Variants in ACAD11 observed in about 807,000 individuals in gnomAD.
ACAD11 encodes the protein acyl-CoA dehydrogenase family member 11.
Under a neutral mutation model 102.2 loss-of-function variants are expected in ACAD11, and 83 were observed. The observed-to-expected ratio is 0.81, with a 90% CI of 0.68 to 0.97. The LOEUF (loss-of-function observed/expected upper bound fraction) is 0.97, where lower values mean the gene tolerates loss of function less well. Among genes scored for constraint, ACAD11 ranks in the 50% least tolerant of loss-of-function variants. The pLI is 0.00. For missense variants in ACAD11, 901 were observed against 951.7 expected (o/e 0.95, Z 0.70); for synonymous variants, 324 against 319.8 (o/e 1.01, Z -0.14).
intron 18 of ACAD11, among the ~76,000 whole-genome samples, chr3:132,560,227 G>A (rs940802018): frequency 6.6e-6 from 1 of 152,020 alleles, no homozygotes; most frequent in African/African-American, 2.4e-5. Context: ...TCACCTTAGG[G>A]ATCATAAAAA....
Position 132,642,810 on chromosome 3 carries a change from G to T in ACAD11, c.250-8C>A, listed in dbSNP as rs1227290930. The T allele has an allele frequency of 1.3e-6, 2 of 1,598,626 alleles. No homozygotes were observed. The highest frequency in any genetic ancestry group is 1.1e-5 in the South Asian group (1 of 87,574). On this transcript the variant is annotated splice_region_variant and splice_polypyrimidine_tract_variant and intron_variant, in intron 2 of 19. Coordinates refer to ENST00000264990, the MANE Select transcript of ACAD11 (RefSeq NM_032169.5). ...TTTAAATTCTCTATCAATCTAAATA[G>T]GATGATGAATCATTAAAAATCAGAG...
intron 11 of ACAD11, among the ~76,000 whole-genome samples, chr3:132,617,533 C>G (rs768384791): frequency 2.6e-5 from 4 of 152,124 alleles, no homozygotes; most frequent in Non-Finnish European, 5.9e-5. Context: ...AATCTTGCTA[C>G]TTATCATCCA....
intron 17 of ACAD11, among the ~76,000 whole-genome samples, chr3:132,562,734 A>G (rs144623757): frequency 1.1e-3 from 168 of 152,264 alleles, no homozygotes; most frequent in Non-Finnish European, 1.9e-3. Context: ...CTTTGGTGAT[A>G]TGTCTGTTAA....
chr3:132,623,076 GGA>G, intron 9 of ACAD11, among the ~76,000 whole-genome samples: 1 of 152,034 alleles, frequency 6.6e-6, no homozygotes, highest in East Asian at 1.9e-4. Flanking sequence ...TTTTCCAATT[GGA>G]AGAATTGGCT....
intron 11 of ACAD11, among the ~76,000 whole-genome samples, chr3:132,612,638 C>A (rs1333150866): frequency 6.6e-6 from 1 of 152,096 alleles, no homozygotes; most frequent in East Asian, 1.9e-4. Context: ...CTCATCATCA[C>A]TGGCTATCAG....
In ACAD11 at chr3:132,618,489, T is replaced by G. The variant is rs544401326; in HGVS notation, c.1414+145A>C. On this transcript the variant is annotated intron_variant, in intron 11 of 19. Transcript: ENST00000264990. ...AAAATTTCAAATCCATTTCTTATAT[T>G]TAAATCAAAGTAACTGAAAAGTAAA... is the stretch of plus-strand genomic sequence containing the variant. 1.9e-5 allele frequency: 14 copies of G among 727,916 alleles called. No homozygotes were observed. The African/African-American group carries it at 2.6e-4, about 14-fold the overall frequency. The allele number at this position is 727,916 out of a possible 1,614,324, so 45.1% of individuals were successfully genotyped here. A position where few individuals can be genotyped will look rare whatever the true frequency, so the allele number is the denominator to read the frequency against.
chr3:132,642,342 G>A (rs1306596748), intron 3 of ACAD11, among the ~76,000 whole-genome samples: 1 of 152,154 alleles, frequency 6.6e-6, no homozygotes, highest in African/African-American at 2.4e-5. Context: ...TGAATTTATT[G>A]TTCTTAATGG....
At chr3:132,633,031 T>C (rs1326049078) in intron 5 of ACAD11, among the ~76,000 whole-genome samples, 1 of 152,230 alleles carries the variant, frequency 6.6e-6, no homozygotes, top group Non-Finnish European at 1.5e-5. Context: ...CAGGGACAAT[T>C]TGACTTCCTC....
chr3:132,615,370 G>A (rs1323758362), intron 11 of ACAD11, among the ~76,000 whole-genome samples: 1 of 152,188 alleles, frequency 6.6e-6, no homozygotes, highest in Non-Finnish European at 1.5e-5. Flanking sequence ...AAAGACACAT[G>A]CACATGTATG....
intron 16 of ACAD11, among the ~76,000 whole-genome samples, 194 bp downstream of exon 16, chr3:132,576,750 G>A (rs77918588): frequency 0.011 from 1,744 of 152,286 alleles, 15 homozygotes; most frequent in Middle Eastern, 0.031. Context: ...AAGTAATTGC[G>A]GCTTTTGCCA....
chr3:132,608,470 CA>C (rs1220341254), intron 11 of ACAD11, among the ~76,000 whole-genome samples: 1 of 150,322 alleles, frequency 6.7e-6, no homozygotes, highest in Non-Finnish European at 1.5e-5. Flanking sequence ...AACAAACAAA[CA>C]AAAAAGCAGG....
intron 14 of ACAD11, 153 bp from the exon 15 acceptor site, chr3:132,579,034 C>T: frequency 6.6e-7 from 1 of 1,516,134 alleles, no homozygotes; most frequent in Non-Finnish European, 8.8e-7. Context: ...CGTACACCAA[C>T]ATAGTCTGAT....
At chr3:132,628,501 C>A in intron 7 of ACAD11, 55 bp from the exon 8 acceptor site, 1 of 1,258,030 alleles carries the variant, frequency 7.9e-7, no homozygotes, top group Non-Finnish European at 1.1e-6. Flanking sequence ...TTCAACAATC[C>A]AATCAATCTT....
chr3:132,634,439 C>G (rs538350298), intron 5 of ACAD11, among the ~76,000 whole-genome samples: 2 of 152,070 alleles, frequency 1.3e-5, no homozygotes, highest in African/African-American at 4.8e-5. Context: ...GAAATAGGAA[C>G]ACTTTTACAC....
intron 13 of ACAD11, among the ~76,000 whole-genome samples, chr3:132,581,256 C>T (rs1050098522): frequency 1.3e-5 from 2 of 151,900 alleles, no homozygotes; most frequent in African/African-American, 4.8e-5. Flanking sequence ...TATACTTGTC[C>T]AAACTATCAA....
At chr3:132,633,369 A>G (rs1940130764) in intron 5 of ACAD11, among the ~76,000 whole-genome samples, 1 of 152,060 alleles carries the variant, frequency 6.6e-6, no homozygotes, top group Admixed American at 6.6e-5. Flanking sequence ...TCTATGCTGG[A>G]TTATGTTTAC....
chr3:132,590,320 G>T (rs1047804356), intron 13 of ACAD11, among the ~76,000 whole-genome samples: 1 of 152,094 alleles, frequency 6.6e-6, no homozygotes, highest in African/African-American at 2.4e-5. Flanking sequence ...AGAGTGGCGC[G>T]ATCTCAGCTC....
At chr3:132,616,312 C>G (rs1939407519) in intron 11 of ACAD11, among the ~76,000 whole-genome samples, 1 of 152,112 alleles carries the variant, frequency 6.6e-6, no homozygotes, top group Non-Finnish European at 1.5e-5. Flanking sequence ...AATCCATGAC[C>G]ATCTAGTGAA....
intron 1 of ACAD11, chr3:132,645,982 CTTTTTT>C: frequency 7.2e-6 from 1 of 138,648 alleles, no homozygotes; most frequent in Non-Finnish European, 1.6e-5. Flanking sequence ...TGCAACGAAT[CTTTTTT>C]TTTTTTTTTT....
Sources: allele counts gnomAD v4.1 joint callset (sites outside exome capture counted in the v4.1 genomes callset), GRCh38; gene constraint gnomAD v4.1.1; transcripts MANE v1.5; gene names NCBI Gene and HGNC (gene_info 2026-07-23, HGNC 2026-07-21).